The following OTOF variants were observed in gnomAD, a reference collection of about 807,000 sequenced individuals.
OTOF encodes the protein otoferlin, also known as fer-1-like family member 2.
Under a neutral mutation model 236.8 loss-of-function variants are expected in OTOF, and 218 were observed. The observed-to-expected ratio is 0.92, with a 90% CI of 0.82 to 1.03. The LOEUF (loss-of-function observed/expected upper bound fraction) is 1.03, where lower values mean the gene tolerates loss of function less well. Ranked by LOEUF, OTOF falls within the 50% of genes least tolerant of loss-of-function variation. The pLI, the probability that OTOF is intolerant of heterozygous loss-of-function variation, is 0.00. For synonymous variants in OTOF, 1,041 were observed against 1,072.5 expected, an observed-to-expected ratio of 0.97 and a Z score of 0.57; for missense variants, 2,590 against 2,694.4, an observed-to-expected ratio of 0.96 and a Z score of 0.86.
At chr2:26,465,545 G>A in intron 38 of OTOF, 127 bp downstream of exon 38, 1 of 977,484 alleles carries the variant, frequency 1.0e-6, no homozygotes, top group East Asian at 2.6e-5. Context: ...GACTGTAGGG[G>A]CAGAGGCCTG....
At position 26,558,516 on chromosome 2, in the gene OTOF, C is replaced by T. The variant is rs200316189; in HGVS notation, c.56G>A (p.Arg19Gln). The change falls in exon 1 of 47, where the codon CGG becomes CAG. Residue 19 changes from arginine (R) to glutamine (Q), a missense_variant. Around this residue, in one of 2 missense-constraint regions of OTOF, gnomAD observed 1,379 missense variants for 1,341.6 expected, o/e 1.03. Transcript: ENST00000272371. ...TVSELRGRGD[R>Q]IAKVTFRGQS... The stretch of plus-strand genomic sequence containing the variant: ...ACCTCGGAAAGTCACTTTGGCGATC[C>T]GGTCGCCCCTGCCCCGCAGCTCCGA... 20 of 1,613,962 alleles carry T rather than the reference C, an allele frequency of 1.2e-5. No individual in the cohort carries two copies. Among genetic ancestry groups the T allele is most frequent in the Admixed American group, 1.7e-5 (1 of 60,024 alleles).
At chr2:26,523,548 G>T (rs968173277) in intron 3 of OTOF, among the ~76,000 whole-genome samples, 1 of 152,118 alleles carries the variant, frequency 6.6e-6, no homozygotes, top group African/African-American at 2.4e-5. Flanking sequence ...CAAATGCATC[G>T]GTCATGTGAT....
At chr2:26,543,552 G>A (rs1471017066) in intron 1 of OTOF, among the ~76,000 whole-genome samples, 3 of 151,798 alleles carry the variant, frequency 2.0e-5, no homozygotes, top group Non-Finnish European at 1.5e-5. Flanking sequence ...CCTAGTTTGC[G>A]TGCCCTGGAT....
At chr2:26,474,425 C>G in intron 26 of OTOF, 88 bp downstream of exon 26, 1 of 1,258,988 alleles carries the variant, frequency 7.9e-7, no homozygotes, top group Non-Finnish European at 1.1e-6. Flanking sequence ...ACCCCAGGCC[C>G]CAGCCTTCAG....
intron 1 of OTOF, 117 bp downstream of exon 1, chr2:26,558,376 C>T: frequency 1.1e-6 from 1 of 883,794 alleles, no homozygotes. Context: ...CGCCCCAGCC[C>T]CTGCTAGAAC....
chr2:26,470,629 C>T lies in OTOF; in HGVS notation c.3987G>A (p.Trp1329Ter). 1 of 1,614,156 alleles carries T rather than the reference C, an allele frequency of 6.2e-7. No individual in the cohort carries two copies. Among genetic ancestry groups the T allele is most frequent in the Non-Finnish European group, 8.5e-7 (1 of 1,180,026 alleles). ...EEPDESMLDW[W>*]SKYFASIDTM... ...TGTCAATGGAGGCAAAGTACTTGGA[C>T]CACCAGTCCAGCATGCTCTCGTCTG... Residue 1329 changes from tryptophan to a stop codon, truncating the protein, a stop_gained, in exon 32 of 47, where the codon TGG becomes TGA. Transcript: ENST00000272371. LOFTEE classifies it high-confidence loss of function. This position sits in a 1 kb window ranked among gnomAD's most constrained non-coding sequence, Gnocchi z 4.3.
intron 9 of OTOF, among the ~76,000 whole-genome samples, chr2:26,490,163 C>T (rs1251145742): frequency 6.6e-6 from 1 of 152,226 alleles, no homozygotes; most frequent in Non-Finnish European, 1.5e-5. Context: ...TAATGACACC[C>T]ACCTCAGAGT....
intron 1 of OTOF, among the ~76,000 whole-genome samples, chr2:26,545,295 G>A (rs774478824): frequency 9.9e-5 from 15 of 152,022 alleles, no homozygotes; most frequent in African/African-American, 1.9e-4. Flanking sequence ...TTGGCCATAC[G>A]TCTATCTTAT....
intron 10 of OTOF, 41 bp downstream of exon 10, chr2:26,489,637 G>T (rs1229557845): frequency 1.9e-6 from 3 of 1,547,488 alleles, no homozygotes; most frequent in Non-Finnish European, 2.7e-6. Context: ...GGTGCAGTTT[G>T]AGGGAGTGGC....
rs138500783 is a variant in OTOF at position 26,466,813 on chromosome 2, G to A, written c.4401C>T (p.Asp1467=). 1.3e-4 allele frequency: 216 copies of A among 1,614,214 alleles called. No homozygotes were observed. The highest frequency in any genetic ancestry group is 5.0e-4 in the Admixed American group (30 of 60,030). ...AGTCGTAGCCGGCTTCCCGGGACAC[G>A]TCCTCTGGGAGTGGCACTTTGTACA... ...LCVYKVPLPE[D]VSREAGYDST... Residue 1467 remains aspartate, a synonymous_variant, in exon 36 of 47, where the codon GAC becomes GAT. Transcript: ENST00000272371.
chr2:26,459,983 G>A, intron 46 of OTOF, 25 bp downstream of exon 46: 1 of 1,551,666 alleles, frequency 6.4e-7, no homozygotes, highest in Middle Eastern at 2.1e-4. Context: ...CCTTGGTCCA[G>A]AGGAAGAAGT....
At position 26,470,474 on chromosome 2, in the gene OTOF, A is replaced by G. The variant is rs928570214; in HGVS notation, c.4023+119T>C. ...GATTTCAAGGATGTGAGACAAAACC[A>G]TCCCAAACTCACATGAATGGAGTTG... On this transcript the variant is annotated intron_variant, in intron 32 of 46. Coordinates refer to ENST00000272371, the MANE Select transcript of OTOF (RefSeq NM_194248.3). This position sits in a 1 kb window ranked among gnomAD's most constrained non-coding sequence, Gnocchi z 4.3. 2.0e-6 allele frequency: 2 copies of G among 1,016,214 alleles called. No homozygotes were observed. Among genetic ancestry groups the G allele is most frequent in the East Asian group, 2.4e-5 (1 of 41,972 alleles). 62.9% of individuals were successfully genotyped at this position (1,016,214 alleles called of 1,614,324 possible).
At chr2:26,482,351 T>G in intron 14 of OTOF, 55 bp downstream of exon 14, 3 of 1,523,090 alleles carry the variant, frequency 2.0e-6, no homozygotes, top group Non-Finnish European at 2.7e-6. Context: ...CACATATTCC[T>G]TCCCTTCAGG....
chr2:26,462,670 G>A lies in OTOF; in HGVS notation c.5193-489C>T, dbSNP rs1006607842. On this transcript the variant is annotated intron_variant, in intron 41 of 46. Coordinates refer to ENST00000272371, the MANE Select transcript of OTOF (RefSeq NM_194248.3). The surrounding 1 kb of genome is among the most constrained non-coding windows in gnomAD (Gnocchi z 4.7). ...CCCAGAGTGGCCCAGTGAGTTGGGT[G>A]CCCCCTAATGACAGGCCCTGGAACA... Among the ~76,000 whole-genome samples the A allele has an allele frequency of 6.6e-6, 1 of 152,216 alleles. No homozygotes were observed. The highest frequency in any genetic ancestry group is 2.4e-5 in the African/African-American group (1 of 41,446).
Position 26,462,033 on chromosome 2 carries a change from A to T in OTOF, c.5291+50T>A. The T allele has an allele frequency of 6.2e-7, 1 of 1,611,912 alleles. No individual in the cohort carries two copies. Among genetic ancestry groups the T allele is most frequent in the Non-Finnish European group, 8.5e-7 (1 of 1,178,466 alleles). On this transcript the variant is annotated intron_variant, in intron 42 of 46. Transcript: ENST00000272371. The surrounding 1 kb of genome is among the most constrained non-coding windows in gnomAD (Gnocchi z 4.7). Reference sequence around the variant, plus strand: ...CTGCCTCCTCTCCTGCCCCCCGGGAAGCAAGCCCCACCCAGCTCAGTCCCT... The same window carrying T: ...CTGCCTCCTCTCCTGCCCCCCGGGATGCAAGCCCCACCCAGCTCAGTCCCT...
At chr2:26,476,853 A>G in intron 22 of OTOF, 38 bp downstream of exon 22, 1 of 1,592,600 alleles carries the variant, frequency 6.3e-7, no homozygotes, top group Non-Finnish European at 8.5e-7. Flanking sequence ...CTCCCCTGAA[A>G]GGACCCAGGC....
intron 1 of OTOF, among the ~76,000 whole-genome samples, chr2:26,538,666 C>A (rs1346140603): frequency 1.3e-5 from 2 of 152,192 alleles, no homozygotes; most frequent in Admixed American, 1.3e-4. Flanking sequence ...TGAGAAACAG[C>A]CGCTGGAGTC....
At chr2:26,530,032 G>T (rs1666905824) in intron 2 of OTOF, among the ~76,000 whole-genome samples, 1 of 152,202 alleles carries the variant, frequency 6.6e-6, no homozygotes, top group African/African-American at 2.4e-5. Flanking sequence ...GCCCAGGAAG[G>T]CCCAGCTCAT....
intron 1 of OTOF, among the ~76,000 whole-genome samples, chr2:26,556,890 G>A (rs1196228405): frequency 6.6e-6 from 1 of 152,302 alleles, no homozygotes; most frequent in Admixed American, 6.5e-5. Flanking sequence ...TGGAGCTCAG[G>A]GCCACATTTC....
Sources: gnomAD v4.1 joint callset for allele counts (sites outside exome capture counted in the v4.1 genomes callset) on GRCh38, gnomAD v4.1.1 for gene constraint, gnomAD v4.1.1 regional missense constraint, Gnocchi (gnomAD v3.1) non-coding constraint, MANE v1.5 for transcripts, NCBI Gene and HGNC (gene_info 2026-07-23, HGNC 2026-07-21) for gene names.